DOCK11: variants seen among roughly 807,000 people sequenced by gnomAD.
DOCK11 encodes the protein dedicator of cytokinesis 11, also known as dedicator of cytokinesis protein 11.
DOCK11 carries 70 observed loss-of-function variants against 169.1 expected under a neutral mutation model. The observed-to-expected ratio is 0.41, with a 90% CI of 0.34 to 0.51. The LOEUF is 0.51. DOCK11 is among the 20% of genes least tolerant of loss of function. DOCK11 has a pLI of 0.10. For missense variants in DOCK11, 1,166 were observed against 1,538.8 expected (o/e 0.76, Z 4.05); for synonymous variants, 529 against 541.3 (o/e 0.98, Z 0.32).
chrX:118,514,480 G>A (rs1408258650), intron 1 of DOCK11, among the ~76,000 whole-genome samples: 1 of 110,749 alleles, frequency 9.0e-6, no homozygotes, highest in East Asian at 2.8e-4. Flanking sequence ...GCGTGGGGGA[G>A]ATTAACAATA....
At chrX:118,511,388 A>G (rs745362566) in intron 1 of DOCK11, among the ~76,000 whole-genome samples, 2 of 111,542 alleles carry the variant, frequency 1.8e-5, no homozygotes, top group South Asian at 3.7e-4. Context: ...TTTTCAGTGG[A>G]ATTATGTTAA....
chrX:118,572,538 A>G, intron 11 of DOCK11, 75 bp downstream of exon 11: 1 of 1,010,857 alleles, frequency 9.9e-7, no homozygotes, highest in African/African-American at 1.9e-5. Flanking sequence ...TAATTTGTAC[A>G]CCAAACCTCC....
chrX:118,511,190 GT>G (rs1269217385), intron 1 of DOCK11, among the ~76,000 whole-genome samples: 1 of 112,508 alleles, frequency 8.9e-6, no homozygotes, highest in Non-Finnish European at 1.9e-5. Flanking sequence ...TGACCTGGCT[GT>G]AATGCACTGA....
intron 1 of DOCK11, among the ~76,000 whole-genome samples, chrX:118,529,655 G>A (rs1385710226): frequency 2.7e-5 from 3 of 111,922 alleles, no homozygotes; most frequent in Non-Finnish European, 5.6e-5. Flanking sequence ...GAAACATCAG[G>A]CACTGCACCT....
At chrX:118,658,153 T>A (rs1239587826) in intron 44 of DOCK11, among the ~76,000 whole-genome samples, 1 of 111,797 alleles carries the variant, frequency 8.9e-6, no homozygotes, top group Non-Finnish European at 1.9e-5. Context: ...ATTGGGCACC[T>A]TTAGAACTCT....
intron 6 of DOCK11, 94 bp downstream of exon 6, chrX:118,546,210 CAAAAAA>C (rs1556269491): frequency 1.4e-3 from 71 of 49,149 alleles, no homozygotes; most frequent in East Asian, 4.4e-3. Context: ...AGAGCCCTAG[CAAAAAA>C]AAAAAAAAAA....
Position 118,614,265 on chromosome X carries a change from A to T in DOCK11, c.3097-427A>T, listed in dbSNP as rs571224391. ...ATTTACATAGGCAAGCCTCACTTTCATCAGCTAACAGACTACCTTACACTT... is the reference window on the plus strand; with the variant it reads ...ATTTACATAGGCAAGCCTCACTTTCTTCAGCTAACAGACTACCTTACACTT... On this transcript the variant is annotated intron_variant, in intron 28 of 52. Transcript: ENST00000276202. Among the ~76,000 whole-genome samples, 9 of 111,849 alleles carry T rather than the reference A, an allele frequency of 8.0e-5. No homozygotes were observed. In the South Asian group the frequency reaches 3.4e-3, roughly 42 times the overall value.
intron 45 of DOCK11, among the ~76,000 whole-genome samples, chrX:118,663,342 T>G (rs1222350272): frequency 8.9e-6 from 1 of 111,897 alleles, no homozygotes; most frequent in Non-Finnish European, 1.9e-5. Flanking sequence ...AAAAGACTTT[T>G]GAATAATATT....
chrX:118,620,748 C>T (rs1256611003), intron 31 of DOCK11, among the ~76,000 whole-genome samples: 1 of 112,268 alleles, frequency 8.9e-6, no homozygotes, highest in African/African-American at 3.2e-5. Context: ...TGCATTATCG[C>T]TGGGTTCTGG....
chrX:118,618,982 C>T (rs1351710975), intron 31 of DOCK11, among the ~76,000 whole-genome samples: 6 of 108,689 alleles, frequency 5.5e-5, no homozygotes, highest in Non-Finnish European at 1.1e-4. Context: ...CTCAGCCTCC[C>T]GAGTTGCTGG....
Position 118,611,278 on chromosome X carries a change from C to A in DOCK11, c.3096+860C>A, listed in dbSNP as rs1603116821. ...TATATTTTAGCTTACCTGATCACAACAAATTTGTCCCCATCCCCCAATGAA... is the reference window on the plus strand; with the variant it reads ...TATATTTTAGCTTACCTGATCACAAAAAATTTGTCCCCATCCCCCAATGAA... On this transcript the variant is annotated intron_variant, in intron 28 of 52. Transcript: ENST00000276202. 2.7e-5 allele frequency among the ~76,000 whole-genome samples: 3 copies of A among 112,331 alleles called. No individual in the cohort carries two copies. In the Admixed American group the frequency reaches 2.8e-4, roughly 11 times the overall value.
At chrX:118,604,820 T>C (rs2014452141) in intron 23 of DOCK11, among the ~76,000 whole-genome samples, 1 of 110,766 alleles carries the variant, frequency 9.0e-6, no homozygotes, top group Non-Finnish European at 1.9e-5. Flanking sequence ...GCATTCCACT[T>C]AACTTGTCAC....
chrX:118,565,045 C>A (rs1956650771), intron 7 of DOCK11, among the ~76,000 whole-genome samples: 1 of 110,635 alleles, frequency 9.0e-6, no homozygotes, highest in Admixed American at 9.7e-5. Flanking sequence ...AGGTGATCCT[C>A]CCACCTCAGC....
chrX:118,538,201 G>A (rs768164735), intron 1 of DOCK11, among the ~76,000 whole-genome samples: 8 of 111,990 alleles, frequency 7.1e-5, no homozygotes, highest in East Asian at 2.8e-4. Context: ...GAATAAGTTC[G>A]GGAAACTAAT....
intron 35 of DOCK11, 146 bp downstream of exon 35, chrX:118,630,636 G>T: frequency 3.0e-6 from 1 of 333,712 alleles, no homozygotes; most frequent in East Asian, 4.3e-5. Context: ...ACTTTAAAAT[G>T]TTTCTTAAAT....
chrX:118,558,616 T>G (rs900198806), intron 6 of DOCK11, among the ~76,000 whole-genome samples: 3 of 112,425 alleles, frequency 2.7e-5, no homozygotes, highest in African/African-American at 9.7e-5. Context: ...AAAAGATATC[T>G]TAAAAGCTTC....
chrX:118,521,553 A>T (rs1198819507), intron 1 of DOCK11, among the ~76,000 whole-genome samples: 1 of 112,380 alleles, frequency 8.9e-6, no homozygotes, highest in Non-Finnish European at 1.9e-5. Flanking sequence ...CATATTCACT[A>T]CATTTTTAGT....
At chrX:118,684,388 T>C (rs1399551598) in intron 52 of DOCK11, among the ~76,000 whole-genome samples, 2 of 105,061 alleles carry the variant, frequency 1.9e-5, no homozygotes, top group African/African-American at 7.0e-5. Flanking sequence ...TTCTCCTGCC[T>C]CAGCCTCCCA....
chrX:118,643,590 G>A lies in DOCK11; in HGVS notation c.4394G>A (p.Ser1465Asn). 8.3e-7 allele frequency: 1 copy of A among 1,210,604 alleles called. No individual in the cohort carries two copies. Residue 1465 changes from serine to asparagine, a missense_variant, in exon 40 of 53, where the codon AGT becomes AAT. Transcript: ENST00000276202. ...TTTGCCTCACTGAGAGCTTTCATCA[G>A]TAAGGTAAGGACAGAAGCTTGGGAG... ...HVFASLRAFI[S>N]KFPSAFFKGR...
Sources: gnomAD v4.1 joint callset for allele counts (sites outside exome capture counted in the v4.1 genomes callset) on GRCh38, gnomAD v4.1.1 for gene constraint, MANE v1.5 for transcripts, NCBI Gene and HGNC (gene_info 2026-07-23, HGNC 2026-07-21) for gene names.